Variants in GTF2IRD1 observed in about 807,000 individuals in gnomAD.
The protein encoded by GTF2IRD1 is GTF2I repeat domain containing 1.
In GTF2IRD1, 26 loss-of-function variants were observed where a neutral mutation model predicts 113.2. The observed-to-expected ratio is 0.23, with a 90% confidence interval of 0.17 to 0.32. The LOEUF is 0.32. Among genes scored for constraint, GTF2IRD1 ranks in the 10% least tolerant of loss-of-function variants. GTF2IRD1 has a pLI of 1.00. For synonymous variants in GTF2IRD1, 484 were observed against 529.1 expected (o/e 0.91, Z 1.17); for missense variants, 864 against 1,280.8 (o/e 0.67, Z 4.97).
intron 9 of GTF2IRD1, among the ~76,000 whole-genome samples, chr7:74,530,642 G>GC (rs587645313): frequency 7.2e-4 from 106 of 148,042 alleles, no homozygotes; most frequent in Admixed American, 2.4e-3. Flanking sequence ...GACAATGATG[G>GC]CCCCCCCGAC....
chr7:74,526,778 G>T (rs2130388848), intron 8 of GTF2IRD1, among the ~76,000 whole-genome samples: 1 of 152,238 alleles, frequency 6.6e-6, no homozygotes, highest in South Asian at 2.1e-4. Flanking sequence ...TGGGGCTGGG[G>T]GTGGCTGCTG....
At chr7:74,559,703 G>A (rs182021881) in intron 22 of GTF2IRD1, 48 bp downstream of exon 22, 18 of 1,515,880 alleles carry the variant, frequency 1.2e-5, no homozygotes, top group South Asian at 9.8e-5. Flanking sequence ...GGGCCCGATC[G>A]TGGTGCTGGG....
intron 3 of GTF2IRD1, among the ~76,000 whole-genome samples, chr7:74,513,469 C>T (rs968516642): frequency 1.3e-5 from 2 of 152,132 alleles, no homozygotes; most frequent in Non-Finnish European, 2.9e-5. Context: ...CCACGCCCAA[C>T]TAATTTTGTA....
intron 22 of GTF2IRD1, among the ~76,000 whole-genome samples, chr7:74,563,462 A>T (rs1554359700): frequency 6.6e-6 from 1 of 152,048 alleles, no homozygotes; most frequent in East Asian, 1.9e-4. Context: ...CTCTAATCCC[A>T]GCTACTCGGG....
intron 25 of GTF2IRD1, among the ~76,000 whole-genome samples, chr7:74,595,304 A>G (rs782057729): frequency 1.3e-5 from 2 of 150,996 alleles, no homozygotes; most frequent in Non-Finnish European, 3.0e-5. Flanking sequence ...TACTCAGGGG[A>G]CTGAGGCAGG....
At chr7:74,545,136 T>G (rs1363058892) in intron 15 of GTF2IRD1, among the ~76,000 whole-genome samples, 5 of 152,128 alleles carry the variant, frequency 3.3e-5, no homozygotes, top group Non-Finnish European at 7.4e-5. Context: ...GCAAGTAGAT[T>G]AGAGGCCTGA....
intron 1 of GTF2IRD1, among the ~76,000 whole-genome samples, chr7:74,469,737 T>C (rs1662651097): frequency 6.6e-6 from 1 of 152,146 alleles, no homozygotes; most frequent in South Asian, 2.1e-4. Context: ...AGGGTCTTGC[T>C]CTGTCACCCA....
intron 25 of GTF2IRD1, 36 bp downstream of exon 25, chr7:74,595,087 G>A (rs201526368): frequency 4.2e-5 from 63 of 1,491,832 alleles, no homozygotes; most frequent in East Asian, 1.2e-4. Flanking sequence ...CTTCTGCTCC[G>A]TGGGGACTAG....
At chr7:74,574,814 T>A (rs1583928998) in intron 22 of GTF2IRD1, among the ~76,000 whole-genome samples, 1 of 146,404 alleles carries the variant, frequency 6.8e-6, no homozygotes, top group Non-Finnish European at 1.5e-5. Context: ...CCCGGCTGAG[T>A]GCAGTGGTTC....
chr7:74,484,942 T>C (rs1186356475), intron 1 of GTF2IRD1, among the ~76,000 whole-genome samples: 1 of 152,178 alleles, frequency 6.6e-6, no homozygotes, highest in Non-Finnish European at 1.5e-5. Flanking sequence ...ATTGCTGTAA[T>C]GAGGGATCTC....
At position 74,519,525 on chromosome 7, in the gene GTF2IRD1, C is replaced by T. The variant is rs781951200; in HGVS notation, c.722C>T (p.Pro241Leu). ...GLHGQAPKVP[P>L]QDLPPTATSS... ...CATGGCCAGGCCCCCAAGGTGCCAC[C>T]CCAGGACCTGCCCCCAACCGCCACC... The change falls in exon 6 of 27, where the codon CCC becomes CTC. Residue 241 changes from proline (P) to leucine (L), a missense_variant. Physicochemically the swap from Pro to Leu is moderately conservative, Grantham distance 98 (BLOSUM62 -3). Around this residue, in one of 7 missense-constraint regions of GTF2IRD1, gnomAD observed 195 missense variants for 196.6 expected, o/e 0.99. Coordinates refer to ENST00000424337, the MANE Select transcript of GTF2IRD1 (RefSeq NM_005685.4). The T allele has an allele frequency of 3.1e-6, 5 of 1,612,070 alleles. No individual in the cohort carries two copies. In the African/African-American group the frequency reaches 6.7e-5, roughly 21 times the overall value.
At chr7:74,581,022 G>T (rs587658671) in intron 22 of GTF2IRD1, among the ~76,000 whole-genome samples, 1 of 151,320 alleles carries the variant, frequency 6.6e-6, no homozygotes, top group South Asian at 2.1e-4. Flanking sequence ...CCCCTTTTCT[G>T]GGGGGGGTTG....
rs145989662 is a variant in GTF2IRD1, at chr7:74,462,351, T to C, written c.-7+8175T>C. Among the ~76,000 whole-genome samples, 1,355 of 152,284 alleles carry C rather than the reference T, an allele frequency of 8.9e-3. 7 individuals carry two copies. Among genetic ancestry groups the C allele is most frequent in the Non-Finnish European group, 0.012 (818 of 68,014 alleles). The stretch of plus-strand genomic sequence containing the variant: ...TTTTTGAAGCCCGTTTGTTCATCCT[T>C]GTCTCTTGTCCTGACCCCAGCAACC... On this transcript the variant is annotated intron_variant, in intron 1 of 26. Transcript: ENST00000424337.
intron 17 of GTF2IRD1, among the ~76,000 whole-genome samples, chr7:74,547,975 C>T (rs1799057676): frequency 6.6e-6 from 1 of 152,092 alleles, no homozygotes; most frequent in African/African-American, 2.4e-5. Context: ...GGGCCGGGGG[C>T]TGGGAGCAAT....
intron 10 of GTF2IRD1, 58 bp from the exon 11 acceptor site, chr7:74,536,109 T>C: frequency 1.9e-6 from 2 of 1,071,454 alleles, no homozygotes. Context: ...ACCCAGGGGC[T>C]CTGCAGCAAG....
chr7:74,480,667 G>A (rs1447361499), intron 1 of GTF2IRD1, among the ~76,000 whole-genome samples: 2 of 152,218 alleles, frequency 1.3e-5, no homozygotes, highest in Non-Finnish European at 2.9e-5. Flanking sequence ...GAACCGCGGA[G>A]CCGTCTGCCC....
rs367829119 is a variant in GTF2IRD1, at chr7:74,501,200, C to T, written c.-6-6875C>T. Among the ~76,000 whole-genome samples the T allele has an allele frequency of 1.1e-4, 16 of 152,194 alleles. 1 individual carries two copies. The highest frequency in any genetic ancestry group is 1.8e-4 in the Non-Finnish European group (12 of 67,992). On this transcript the variant is annotated intron_variant, in intron 1 of 26. Coordinates refer to ENST00000424337, the MANE Select transcript of GTF2IRD1 (RefSeq NM_005685.4). ...CTGGGTGGTCTCGCCTGTTCACTGC[C>T]GGGCAGGGTTGGGCAGTGCAGAGCC...
chr7:74,521,025 G>T (rs1298879714), intron 6 of GTF2IRD1, among the ~76,000 whole-genome samples, 183 bp from the exon 7 acceptor site: 1 of 151,982 alleles, frequency 6.6e-6, no homozygotes, highest in African/African-American at 2.4e-5. Flanking sequence ...AGATTCTGGT[G>T]CAGAATGTCT....
At chr7:74,598,365 C>G (rs1238942907) in intron 25 of GTF2IRD1, among the ~76,000 whole-genome samples, 3 of 151,804 alleles carry the variant, frequency 2.0e-5, no homozygotes, top group Non-Finnish European at 4.4e-5. Flanking sequence ...CTTTGGGAGG[C>G]TGAGGCAGGG....
Sources: gnomAD v4.1 joint callset for allele counts (sites outside exome capture counted in the v4.1 genomes callset) on GRCh38, gnomAD v4.1.1 for gene constraint, gnomAD v4.1.1 regional missense constraint, MANE v1.5 for transcripts, NCBI Gene and HGNC (gene_info 2026-07-23, HGNC 2026-07-21) for gene names.